Variants in DCAF4 observed in about 807,000 individuals in gnomAD.
DCAF4 encodes DDB1 and CUL4 associated factor 4.
Under a neutral mutation model 60.9 loss-of-function variants are expected in DCAF4, and 37 were observed. That is an observed-to-expected ratio of 0.61 (90% CI 0.47 to 0.80). The LOEUF (loss-of-function observed/expected upper bound fraction) is 0.80, where lower values mean the gene tolerates loss of function less well. DCAF4 is among the 30% of genes least tolerant of loss of function. The pLI, the probability that DCAF4 is intolerant of heterozygous loss-of-function variation, is 0.00. For missense variants in DCAF4, 577 were observed against 650.0 expected, an observed-to-expected ratio of 0.89 and a Z score of 1.22; for synonymous variants, 243 against 254.8, an observed-to-expected ratio of 0.95 and a Z score of 0.44.
chr14:72,955,779 C>A, intron 12 of DCAF4, 83 bp downstream of exon 12: 1 of 1,331,262 alleles, frequency 7.5e-7, no homozygotes, highest in Non-Finnish European at 1.0e-6. Context: ...TGAAGAGGTC[C>A]TCACACCAAG....
intron 7 of DCAF4, 95 bp downstream of exon 7, chr14:72,946,122 G>T: frequency 6.9e-7 from 1 of 1,452,846 alleles, no homozygotes; most frequent in South Asian, 1.2e-5. Flanking sequence ...GAAGAGGGCA[G>T]AGCATACTTA....
chr14:72,945,624 A>T (rs1278252676), intron 6 of DCAF4, among the ~76,000 whole-genome samples: 2 of 152,206 alleles, frequency 1.3e-5, no homozygotes, highest in East Asian at 3.9e-4. Context: ...TGCAGACCTC[A>T]GACTTTCTGG....
intron 9 of DCAF4, among the ~76,000 whole-genome samples, chr14:72,953,732 A>AAAAAATATATATATATATATAT (rs1555527852): frequency 4.6e-5 from 1 of 21,778 alleles, no homozygotes; most frequent in Non-Finnish European, 7.4e-5. Context: ...AAAAAAAAAA[A>AAAAAATATATATATATATATAT]ATATATATAT....
rs1305166184 is a variant in DCAF4, at chr14:72,959,532, G to A, written c.*727G>A. On this transcript the variant is annotated 3_prime_UTR_variant, in exon 14 of 14. Transcript: ENST00000358377. ...ACTTGAATGTCAGATTCAAGGGCCC[G>A]GCGTCAAAGGAAATTGGTTTTGACT... 1.8e-5 allele frequency: 18 copies of A among 985,364 alleles called. No individual in the cohort carries two copies. Among genetic ancestry groups the A allele is most frequent in the East Asian group, 1.1e-4 (1 of 8,830 alleles). 61.0% of individuals were successfully genotyped at this position (985,364 alleles called of 1,614,324 possible).
chr14:72,950,069 G>A (rs1242319454), intron 8 of DCAF4, among the ~76,000 whole-genome samples: 1 of 152,214 alleles, frequency 6.6e-6, no homozygotes, highest in African/African-American at 2.4e-5. Flanking sequence ...TATTCATGAT[G>A]TCTCTGGCTA....
rs1892691839 is a variant in DCAF4, at chr14:72,959,418, T to C, written c.*613T>C. The stretch of plus-strand genomic sequence containing the variant: ...GGAAGGAAAGATGGATCTTCTTACA[T>C]GCTAGAAGTTTTAAACGGTCCTTAA... On this transcript the variant is annotated 3_prime_UTR_variant, in exon 14 of 14. Coordinates refer to ENST00000358377, the MANE Select transcript of DCAF4 (RefSeq NM_015604.4). The C allele has an allele frequency of 3.0e-6, 3 of 985,516 alleles. No individual in the cohort carries two copies. The highest frequency in any genetic ancestry group is 1.7e-5 in the African/African-American group (1 of 57,382). 61.0% of individuals were successfully genotyped at this position (985,516 alleles called of 1,614,324 possible). A position where few individuals can be genotyped will look rare whatever the true frequency, so the allele number is the denominator to read the frequency against.
intron 4 of DCAF4, 122 bp from the exon 5 acceptor site, chr14:72,941,623 A>G (rs1259274403): frequency 1.1e-6 from 1 of 897,116 alleles, no homozygotes; most frequent in Non-Finnish European, 1.8e-6. Flanking sequence ...TTTTATGCAT[A>G]TAATTTCTGC....
In DCAF4 at chr14:72,926,519, A is replaced by G. The variant is rs1053998501; in HGVS notation, c.-33A>G. ...CTCCTGCAGAGCTGAGCCGGAGGGG[A>G]ATCCGGAAGGGACACGCTGAACAGG... On this transcript the variant is annotated 5_prime_UTR_variant, in exon 1 of 14. Coordinates refer to ENST00000358377, the MANE Select transcript of DCAF4 (RefSeq NM_015604.4). 1.3e-5 allele frequency: 2 copies of G among 152,258 alleles called. No homozygotes were observed. The highest frequency in any genetic ancestry group is 2.9e-5 in the Non-Finnish European group (2 of 68,126). The allele number at this position is 152,258 out of a possible 1,614,324, so 9.4% of individuals were successfully genotyped here.
At chr14:72,949,462 AAG>A (rs1891140471) in intron 8 of DCAF4, among the ~76,000 whole-genome samples, 1 of 151,406 alleles carries the variant, frequency 6.6e-6, no homozygotes. Flanking sequence ...TCTCTTAAAA[AAG>A]AGAAAAGTGA....
intron 1 of DCAF4, among the ~76,000 whole-genome samples, chr14:72,937,022 T>G (rs1329744732): frequency 2.0e-5 from 3 of 152,216 alleles, no homozygotes; most frequent in Non-Finnish European, 4.4e-5. Flanking sequence ...AAGAGCATTT[T>G]AGTAGAAAGG....
At chr14:72,933,838 C>G (rs1888897172) in intron 1 of DCAF4, among the ~76,000 whole-genome samples, 1 of 152,190 alleles carries the variant, frequency 6.6e-6, no homozygotes, top group African/African-American at 2.4e-5. Flanking sequence ...CTCAACTCCT[C>G]TCTCCACCTC....
chr14:72,956,452 G>C lies in DCAF4; in HGVS notation c.1246G>C (p.Ala416Pro). The C allele has an allele frequency of 6.2e-7, 1 of 1,613,606 alleles. No homozygotes were observed. Among genetic ancestry groups the C allele is most frequent in the Non-Finnish European group, 8.5e-7 (1 of 1,179,794 alleles). Residue 416 changes from alanine to proline, a missense_variant, in exon 13 of 14, where the codon GCC becomes CCC. Physicochemically the swap from Ala to Pro is conservative, Grantham distance 27. Transcript: ENST00000358377. ...GTACGAAGGCCACGTGAATGAGTAC[G>C]CCTACCTGCCCCTGCATGTGCACGA... ...RQYEGHVNEYAYLPLHVHEEE... is the reference protein window; with the variant it reads ...RQYEGHVNEYPYLPLHVHEEE...
At chr14:72,954,039 A>G in intron 9 of DCAF4, 125 bp from the exon 10 acceptor site, 1 of 1,014,850 alleles carries the variant, frequency 9.9e-7, no homozygotes. Flanking sequence ...CACAAAACCC[A>G]GAATGGGGCC....
At chr14:72,961,943 C>T, downstream of DCAF4, 2 of 1,146,658 alleles carry the variant, frequency 1.7e-6, no homozygotes, top group Non-Finnish European at 2.2e-6. Context: ...AACACCCCAG[C>T]TCTCCGTCGG....
Position 72,941,797 on chromosome 14 carries a change from G to A in DCAF4, c.404G>A (p.Gly135Asp). The change falls in exon 5 of 14, where the codon GGT becomes GAT. Residue 135 changes from glycine to aspartate, a missense_variant. Coordinates refer to ENST00000358377, the MANE Select transcript of DCAF4 (RefSeq NM_015604.4). ...TCCATGCTACGAAAAAGCCAGCTGG[G>A]TTTTCTCAACGTCACCAATTACTGC... ...ASSMLRKSQL[G>D]FLNVTNYCHL... 1.2e-6 allele frequency: 2 copies of A among 1,614,060 alleles called. No individual in the cohort carries two copies. The highest frequency in any genetic ancestry group is 1.7e-6 in the Non-Finnish European group (2 of 1,180,002).
chr14:72,942,996 T>G lies in DCAF4; in HGVS notation c.434T>G (p.Leu145Ter), dbSNP rs1304851926. ...GFLNVTNYCH[L>*]AHELRLSCME... is the part of the protein sequence containing the mutation. Reference sequence around the variant, plus strand: ...GCCCCCACCCTCTGTTTCTGCAGTTTAGCCCACGAGCTGCGTCTCAGCTGC... The same window carrying G: ...GCCCCCACCCTCTGTTTCTGCAGTTGAGCCCACGAGCTGCGTCTCAGCTGC... The change falls in exon 6 of 14, where the codon TTA becomes TGA. Residue 145 changes from leucine (L) to a stop codon, truncating the protein, a stop_gained and splice_region_variant. Transcript: ENST00000358377. LOFTEE classifies it high-confidence loss of function. The G allele has an allele frequency of 6.2e-7, 1 of 1,613,972 alleles. No individual in the cohort carries two copies. Among genetic ancestry groups the G allele is most frequent in the African/African-American group, 1.3e-5 (1 of 74,934 alleles).
At chr14:72,929,398 C>G (rs1888200744) in intron 1 of DCAF4, among the ~76,000 whole-genome samples, 1 of 152,222 alleles carries the variant, frequency 6.6e-6, no homozygotes, top group Non-Finnish European at 1.5e-5. Flanking sequence ...TACTGGCTCT[C>G]TGTGTTAAAT....
chr14:72,954,015 G>A (rs903792649), intron 9 of DCAF4, 149 bp from the exon 10 acceptor site: 54 of 767,860 alleles, frequency 7.0e-5, no homozygotes, highest in Non-Finnish European at 9.1e-5. Flanking sequence ...TCCCAGCTGA[G>A]TCTCTCTTGC....
At chr14:72,955,396 C>T in intron 11 of DCAF4, 127 bp from the exon 12 acceptor site, 1 of 1,128,210 alleles carries the variant, frequency 8.9e-7, no homozygotes, top group Non-Finnish European at 1.3e-6. Context: ...AAACCCTGAC[C>T]AGCACGTGTC....
Sources: allele counts gnomAD v4.1 joint callset (sites outside exome capture counted in the v4.1 genomes callset), GRCh38; gene constraint gnomAD v4.1.1; transcripts MANE v1.5; gene names NCBI Gene and HGNC (gene_info 2026-07-23, HGNC 2026-07-21).